NYAP2: variants seen among roughly 807,000 people sequenced by gnomAD.
NYAP2 encodes neuronal tyrosine-phosphorylated phosphoinositide-3-kinase adaptor 2.
In NYAP2, 23 loss-of-function variants were observed where a neutral mutation model predicts 50.4. The observed-to-expected ratio is 0.46, with a 90% CI of 0.33 to 0.65. The LOEUF (loss-of-function observed/expected upper bound fraction) is 0.65. Among genes scored for constraint, NYAP2 ranks in the 30% least tolerant of loss-of-function variants. The pLI is 0.02. For missense variants in NYAP2, 885 were observed against 861.0 expected (o/e 1.03, Z -0.35); for synonymous variants, 394 against 365.2 (o/e 1.08, Z -0.90).
chr2:225,585,099 GAA>G (rs1692366215), intron 5 of NYAP2, among the ~76,000 whole-genome samples: 1 of 152,210 alleles, frequency 6.6e-6, no homozygotes, highest in African/African-American at 2.4e-5. Flanking sequence ...GCCAAGGCTG[GAA>G]AACCCTGGTC....
chr2:225,633,011 A>T (rs978776720), intron 6 of NYAP2, among the ~76,000 whole-genome samples: 1 of 152,220 alleles, frequency 6.6e-6, no homozygotes, highest in African/African-American at 2.4e-5. Flanking sequence ...TTGAAAAATG[A>T]TGGAGAGATT....
At chr2:225,597,519 A>ATATC in intron 5 of NYAP2, among the ~76,000 whole-genome samples, 1 of 110,354 alleles carries the variant, frequency 9.1e-6, no homozygotes, top group South Asian at 3.2e-4. Context: ...AGAAATATAT[A>ATATC]TATATATATA....
intron 4 of NYAP2, among the ~76,000 whole-genome samples, chr2:225,537,046 G>A (rs1691364522): frequency 6.6e-6 from 1 of 152,070 alleles, no homozygotes; most frequent in Non-Finnish European, 1.5e-5. Context: ...CCAAAGTGCT[G>A]GGATTACAGG....
At chr2:225,501,643 C>A (rs768106288) in intron 3 of NYAP2, among the ~76,000 whole-genome samples, 3 of 152,134 alleles carry the variant, frequency 2.0e-5, no homozygotes, top group Non-Finnish European at 4.4e-5. Flanking sequence ...ACAGTGAAAG[C>A]AATTATTAGC....
chr2:225,637,391 C>A (rs1215980831), intron 6 of NYAP2, among the ~76,000 whole-genome samples: 1 of 152,176 alleles, frequency 6.6e-6, no homozygotes, highest in Non-Finnish European at 1.5e-5. Context: ...TCCACTTCAG[C>A]ACCGGGCAGC....
chr2:225,617,446 A>T (rs935673388), intron 5 of NYAP2, among the ~76,000 whole-genome samples: 1 of 152,136 alleles, frequency 6.6e-6, no homozygotes, highest in Non-Finnish European at 1.5e-5. Flanking sequence ...AAAAAATAAA[A>T]AAAAAACAGC....
At chr2:225,652,468 G>A (rs1693751930) in exon 7 of NYAP2, 1 of 152,204 alleles carries the variant, frequency 6.6e-6, no homozygotes, top group African/African-American at 2.4e-5. Context: ...TTGGGTACGT[G>A]GTTGTGGATG....
intron 3 of NYAP2, among the ~76,000 whole-genome samples, chr2:225,447,323 G>A (rs1574619806): frequency 1.3e-5 from 2 of 151,888 alleles, no homozygotes; most frequent in Admixed American, 1.3e-4. Context: ...ATACATAGAG[G>A]TTTTTGTTTG....
chr2:225,611,349 C>T (rs1322160437), intron 5 of NYAP2, among the ~76,000 whole-genome samples: 2 of 152,052 alleles, frequency 1.3e-5, no homozygotes, highest in Non-Finnish European at 2.9e-5. Flanking sequence ...TTTCTTTGCT[C>T]TCAAACTGAG....
intron 5 of NYAP2, among the ~76,000 whole-genome samples, chr2:225,623,264 GA>G (rs752882579): frequency 1.3e-5 from 2 of 152,244 alleles, no homozygotes; most frequent in South Asian, 2.1e-4. Context: ...CTTTATGGGG[GA>G]AAAAATGTTC....
chr2:225,582,236 C>T lies in NYAP2; in HGVS notation c.819C>T (p.Tyr273=), dbSNP rs1410945124. ...AGGCCGTCTACGAGGAAATGAAGTA[C>T]CCTATCTTTGACGACTTGGGCCAAG... Residue 273 remains tyrosine, a synonymous_variant, in exon 5 of 7, where the codon TAC becomes TAT. Coordinates refer to ENST00000636099, the Ensembl canonical transcript of NYAP2. The surrounding 1 kb of genome is among the most constrained non-coding windows in gnomAD (Gnocchi z 7.0). 1 of 1,613,900 alleles carries T rather than the reference C, an allele frequency of 6.2e-7. No homozygotes were observed. Among genetic ancestry groups the T allele is most frequent in the African/African-American group, 1.3e-5 (1 of 74,942 alleles).
At chr2:225,579,048 G>A (rs542129948) in intron 4 of NYAP2, among the ~76,000 whole-genome samples, 97 of 151,928 alleles carry the variant, frequency 6.4e-4, no homozygotes, top group African/African-American at 2.2e-3. Flanking sequence ...ACACACACGC[G>A]CGTGCACACA....
the NYAP2 span, among the ~76,000 whole-genome samples, chr2:225,663,109 T>C: frequency 2.0e-5 from 3 of 152,178 alleles, no homozygotes; most frequent in Non-Finnish European, 4.4e-5. Context: ...CAAAGCACTG[T>C]TTTTACTGTA....
chr2:225,566,912 AAT>A (rs957351183), intron 4 of NYAP2, among the ~76,000 whole-genome samples: 3 of 152,010 alleles, frequency 2.0e-5, no homozygotes, highest in Non-Finnish European at 2.9e-5. Context: ...AACTTACAGT[AAT>A]ATGTGTGTGT....
At chr2:225,436,155 C>A (rs1489065737) in intron 3 of NYAP2, among the ~76,000 whole-genome samples, 1 of 152,214 alleles carries the variant, frequency 6.6e-6, no homozygotes, top group Non-Finnish European at 1.5e-5. Flanking sequence ...CAGATCATAT[C>A]TCTGCCCTGA....
At chr2:225,418,814 T>A (rs1451625369) in intron 3 of NYAP2, among the ~76,000 whole-genome samples, 1 of 152,250 alleles carries the variant, frequency 6.6e-6, no homozygotes, top group Non-Finnish European at 1.5e-5. Flanking sequence ...AAATTTTGAA[T>A]ACTTTTATAA....
intron 5 of NYAP2, among the ~76,000 whole-genome samples, chr2:225,590,760 C>T (rs1299928409): frequency 2.6e-5 from 4 of 152,148 alleles, no homozygotes; most frequent in Non-Finnish European, 4.4e-5. Flanking sequence ...CAGCTTGCAA[C>T]GAGGACAGAT....
At chr2:225,462,073 AT>A (rs902224129) in intron 3 of NYAP2, among the ~76,000 whole-genome samples, 2 of 152,244 alleles carry the variant, frequency 1.3e-5, no homozygotes, top group African/African-American at 4.8e-5. Flanking sequence ...ATATAAAGAA[AT>A]AATATCTCAT....
chr2:225,401,837 T>A (rs1574595339), intron 2 of NYAP2, among the ~76,000 whole-genome samples: 1 of 151,942 alleles, frequency 6.6e-6, no homozygotes, highest in South Asian at 2.1e-4. Flanking sequence ...AGAATTGGAT[T>A]TTTTTTTCTA....
Sources: allele counts gnomAD v4.1 joint callset (sites outside exome capture counted in the v4.1 genomes callset), GRCh38; gene constraint gnomAD v4.1.1; non-coding constraint Gnocchi (gnomAD v3.1); transcripts MANE v1.5; gene names NCBI Gene and HGNC (gene_info 2026-07-23, HGNC 2026-07-21).